The following ITPR2 variants were observed in gnomAD, a reference collection of about 807,000 sequenced individuals.
ITPR2 encodes inositol 1,4,5-trisphosphate-gated calcium channel ITPR2.
In ITPR2, 207 loss-of-function variants were observed where a neutral mutation model predicts 317.1. That is an observed-to-expected ratio of 0.65 (90% CI 0.58 to 0.73). The LOEUF is 0.73. Ranked by LOEUF, ITPR2 falls within the 30% of genes least tolerant of loss-of-function variation. ITPR2 has a pLI of 0.00. For synonymous variants in ITPR2, 1,156 were observed against 1,149.1 expected, an observed-to-expected ratio of 1.01 and a Z score of -0.12; for missense variants, 2,613 against 3,284.0, an observed-to-expected ratio of 0.80 and a Z score of 4.99.
intron 34 of ITPR2, among the ~76,000 whole-genome samples, chr12:26,570,736 T>C (rs763073344): frequency 1.3e-5 from 2 of 152,242 alleles, no homozygotes; most frequent in Non-Finnish European, 2.9e-5. Flanking sequence ...AATATGGAAG[T>C]AATTCTTGGA....
intron 10 of ITPR2, among the ~76,000 whole-genome samples, chr12:26,691,573 G>A (rs1948241435): frequency 6.6e-6 from 1 of 152,066 alleles, no homozygotes; most frequent in South Asian, 2.1e-4. Context: ...CTCTCAAGTT[G>A]TACATGGAGA....
chr12:26,720,031 A>G (rs1299238301), intron 5 of ITPR2, among the ~76,000 whole-genome samples: 1 of 152,208 alleles, frequency 6.6e-6, no homozygotes, highest in Non-Finnish European at 1.5e-5. Flanking sequence ...TTCTCTGCTC[A>G]TAGCTGTCCC....
chr12:26,393,568 A>T (rs1345311968), intron 54 of ITPR2, among the ~76,000 whole-genome samples: 1 of 152,222 alleles, frequency 6.6e-6, no homozygotes, highest in Non-Finnish European at 1.5e-5. Context: ...TTTTTAAAAA[A>T]GTTTCTATTT....
chr12:26,524,951 A>G (rs1160430482), intron 37 of ITPR2, among the ~76,000 whole-genome samples: 1 of 152,222 alleles, frequency 6.6e-6, no homozygotes, highest in Non-Finnish European at 1.5e-5. Flanking sequence ...TTATGGAGTG[A>G]GAACTCAAAA....
chr12:26,645,090 T>C (rs1947083108), intron 21 of ITPR2, among the ~76,000 whole-genome samples: 1 of 152,138 alleles, frequency 6.6e-6, no homozygotes, highest in African/African-American at 2.4e-5. Flanking sequence ...TTCTCAATCT[T>C]GCTTTCCCTC....
chr12:26,763,538 C>T (rs954065550), intron 2 of ITPR2, among the ~76,000 whole-genome samples: 2 of 152,096 alleles, frequency 1.3e-5, no homozygotes, highest in East Asian at 3.8e-4. Context: ...TAGTAGTTAT[C>T]TTTGTGGTGA....
chr12:26,545,662 C>G (rs1397982618), intron 37 of ITPR2, among the ~76,000 whole-genome samples: 8 of 152,192 alleles, frequency 5.3e-5, no homozygotes, highest in Non-Finnish European at 1.0e-4. Context: ...ACAGCCACCC[C>G]TTATCCCACT....
At chr12:26,675,022 G>A (rs1308082844) in intron 13 of ITPR2, among the ~76,000 whole-genome samples, 3 of 152,140 alleles carry the variant, frequency 2.0e-5, no homozygotes, top group Non-Finnish European at 4.4e-5. Flanking sequence ...AGTTAGAATG[G>A]CAATCATTAA....
chr12:26,650,268 T>G lies in ITPR2; in HGVS notation c.2740+3708A>C, dbSNP rs992120593. Among the ~76,000 whole-genome samples, 7 of 152,154 alleles carry G rather than the reference T, an allele frequency of 4.6e-5. No homozygotes were observed. The South Asian group carries it at 1.4e-3, about 32-fold the overall frequency. On this transcript the variant is annotated intron_variant, in intron 21 of 56. Coordinates refer to ENST00000381340, the MANE Select transcript of ITPR2 (RefSeq NM_002223.4). The stretch of plus-strand genomic sequence containing the variant: ...TATGGAAAGAGAAAAAGATCAGCAG[T>G]TGCCAGGGGATGGTGAGGAGGTGGG...
chr12:26,830,254 G>A (rs762902530), intron 1 of ITPR2, among the ~76,000 whole-genome samples: 4 of 152,320 alleles, frequency 2.6e-5, no homozygotes, highest in East Asian at 3.9e-4. Flanking sequence ...CTAGCAGCAC[G>A]AAGGCTTTGT....
At chr12:26,662,210 C>T (rs973026370) in intron 15 of ITPR2, among the ~76,000 whole-genome samples, 1 of 152,068 alleles carries the variant, frequency 6.6e-6, no homozygotes, top group Non-Finnish European at 1.5e-5. Flanking sequence ...TTTTCTTCCC[C>T]AAAAATGTTC....
chr12:26,345,805 G>A (rs930719184), intron 55 of ITPR2, among the ~76,000 whole-genome samples: 1 of 152,218 alleles, frequency 6.6e-6, no homozygotes, highest in Non-Finnish European at 1.5e-5. Context: ...CAGACACACA[G>A]AGAAGATACT....
At chr12:26,550,112 A>G (rs935091323) in intron 37 of ITPR2, 135 bp downstream of exon 37, 2 of 448,468 alleles carry the variant, frequency 4.5e-6, no homozygotes, top group Admixed American at 4.4e-5. Context: ...AACTCAAATT[A>G]TATAATTCAT....
chr12:26,747,338 A>G (rs1949340709), intron 2 of ITPR2, among the ~76,000 whole-genome samples: 1 of 152,096 alleles, frequency 6.6e-6, no homozygotes. Flanking sequence ...GTATCTTTGC[A>G]ATTCTTGGTT....
chr12:26,469,488 T>C (rs943203433), intron 45 of ITPR2, among the ~76,000 whole-genome samples: 2 of 152,144 alleles, frequency 1.3e-5, no homozygotes, highest in African/African-American at 4.8e-5. Flanking sequence ...CTAGTCTAAA[T>C]TGCTCCCCAG....
At chr12:26,439,484 A>G (rs766229066) in intron 46 of ITPR2, among the ~76,000 whole-genome samples, 165 bp from the exon 47 acceptor site, 24 of 152,288 alleles carry the variant, frequency 1.6e-4, no homozygotes, top group Admixed American at 5.2e-4. Flanking sequence ...ACTACTTTGT[A>G]TTTTTCTCTT....
In ITPR2 at chr12:26,656,320, G is replaced by T; in HGVS notation, c.2421C>A (p.Ile807=). The change falls in exon 19 of 57, where the codon ATC becomes ATA. Residue 807 remains isoleucine (I), a synonymous_variant. Transcript: ENST00000381340. ...PVRYARLWTE[I]PTKITIHEYD... is the part of the protein sequence containing the mutation. ...ACTCATGAATTGTGATCTTTGTGGG[G>T]ATTTCTGTCCAGAGCCTGGCATAGC... 1.2e-6 allele frequency: 2 copies of T among 1,614,150 alleles called. No individual in the cohort carries two copies. Among genetic ancestry groups the T allele is most frequent in the Non-Finnish European group, 1.7e-6 (2 of 1,180,024 alleles).
chr12:26,805,076 C>T (rs540412447), intron 1 of ITPR2, among the ~76,000 whole-genome samples: 5 of 152,140 alleles, frequency 3.3e-5, no homozygotes, highest in African/African-American at 1.2e-4. Context: ...AGACAGTGAT[C>T]ATGACCACAA....
At chr12:26,652,831 C>T (rs1947286677) in intron 21 of ITPR2, among the ~76,000 whole-genome samples, 1 of 152,234 alleles carries the variant, frequency 6.6e-6, no homozygotes, top group Non-Finnish European at 1.5e-5. Context: ...TTCCTCACTT[C>T]CTTACAGGTA....
Sources: allele counts gnomAD v4.1 joint callset (sites outside exome capture counted in the v4.1 genomes callset), GRCh38; gene constraint gnomAD v4.1.1; transcripts MANE v1.5; gene names NCBI Gene and HGNC (gene_info 2026-07-23, HGNC 2026-07-21).